The following POLR3B variants were observed in gnomAD, a reference collection of about 807,000 sequenced individuals.
The protein encoded by POLR3B is RNA polymerase III subunit B, also known as DNA-directed RNA polymerase III subunit RPC2.
Under a neutral mutation model 147.4 loss-of-function variants are expected in POLR3B, and 96 were observed. The ratio of observed to expected loss-of-function variants is 0.65; its 90% CI spans 0.55 to 0.77. POLR3B has a LOEUF of 0.77. Among genes scored for constraint, POLR3B ranks in the 30% least tolerant of loss-of-function variants. The probability of loss-of-function intolerance (pLI) is 0.00; values close to 1 mark genes in which losing one functional copy is unlikely to be tolerated. For synonymous variants in POLR3B, 461 were observed against 485.9 expected (o/e 0.95, Z 0.67); for missense variants, 1,036 against 1,413.5 (o/e 0.73, Z 4.28).
At chr12:106,498,091 C>G (rs911322447) in intron 25 of POLR3B, among the ~76,000 whole-genome samples, 1 of 152,190 alleles carries the variant, frequency 6.6e-6, no homozygotes, top group Non-Finnish European at 1.5e-5. Context: ...ACATATAGCT[C>G]TCACCAAAAT....
Position 106,382,143 on chromosome 12 carries a change from C to G in POLR3B, c.723+2004C>G, listed in dbSNP as rs529074011. On this transcript the variant is annotated intron_variant, in intron 9 of 27. Transcript: ENST00000228347. ...TATCTCGTCCTGTGACTAAGAATGC[C>G]TTAACCTCCTTGGAATGCAGCCCAG... The G allele has an allele frequency of 2.0e-5, 3 of 152,554 alleles. No individual in the cohort carries two copies. The East Asian group carries it at 5.8e-4, about 29-fold the overall frequency. 9.5% of individuals were successfully genotyped at this position (152,554 alleles called of 1,614,324 possible).
At chr12:106,459,406 T>C (rs1268389692) in intron 22 of POLR3B, 38 bp downstream of exon 22, 2 of 1,104,496 alleles carry the variant, frequency 1.8e-6, no homozygotes, top group African/African-American at 3.1e-5. Flanking sequence ...TGTAGAAAGG[T>C]TAGAAAAAGA....
chr12:106,399,165 C>T (rs893034010), intron 10 of POLR3B, among the ~76,000 whole-genome samples: 6 of 152,046 alleles, frequency 3.9e-5, no homozygotes, highest in African/African-American at 7.3e-5. Context: ...AACCAAGGCA[C>T]GAGAACTATG....
At chr12:106,411,242 G>A (rs1230051872) in intron 12 of POLR3B, among the ~76,000 whole-genome samples, 70 of 152,048 alleles carry the variant, frequency 4.6e-4, no homozygotes, top group Non-Finnish European at 1.5e-5. Flanking sequence ...GGGTTCAAGC[G>A]ATTCTCCTGC....
At chr12:106,499,143 A>G (rs1260266155) in intron 25 of POLR3B, among the ~76,000 whole-genome samples, 5 of 152,242 alleles carry the variant, frequency 3.3e-5, no homozygotes, top group African/African-American at 1.2e-4. Context: ...AAATGGTTCA[A>G]TAAAATAATT....
At chr12:106,402,474 T>C (rs2037082425) in intron 10 of POLR3B, among the ~76,000 whole-genome samples, 2 of 152,134 alleles carry the variant, frequency 1.3e-5, no homozygotes, top group South Asian at 2.1e-4. Flanking sequence ...AAAGTTCATA[T>C]GGAACCAAAA....
Position 106,357,775 on chromosome 12 carries a change from C to T in POLR3B, c.-105C>T, listed in dbSNP as rs1319532895. ...CTCTAGCTAACACGCACGGCGGGGA[C>T]AGTTTAGGCCTCCGCGCACCGTTCG... On this transcript the variant is annotated 5_prime_UTR_variant, in exon 1 of 28. Coordinates refer to ENST00000228347, the MANE Select transcript of POLR3B (RefSeq NM_018082.6). The T allele has an allele frequency of 6.3e-6, 7 of 1,118,432 alleles. No individual in the cohort carries two copies. Among genetic ancestry groups the T allele is most frequent in the Non-Finnish European group, 9.3e-6 (7 of 754,622 alleles). The allele number at this position is 1,118,432 out of a possible 1,614,324, so 69.3% of individuals were successfully genotyped here.
chr12:106,483,824 G>T (rs899219399), intron 23 of POLR3B, among the ~76,000 whole-genome samples: 11 of 152,158 alleles, frequency 7.2e-5, no homozygotes, highest in African/African-American at 2.4e-4. Context: ...TGTCTTGTGG[G>T]CCATACTGAA....
At chr12:106,367,463 A>G (rs1404001983) in intron 4 of POLR3B, among the ~76,000 whole-genome samples, 1 of 152,220 alleles carries the variant, frequency 6.6e-6, no homozygotes, top group Non-Finnish European at 1.5e-5. Context: ...GAATCAATCC[A>G]GAGCTCCGTG....
intron 9 of POLR3B, among the ~76,000 whole-genome samples, chr12:106,385,185 G>T (rs1204230610): frequency 6.6e-6 from 1 of 152,166 alleles, no homozygotes; most frequent in Admixed American, 6.5e-5. Flanking sequence ...TGAGGAAAAT[G>T]TTGTGACCAT....
intron 25 of POLR3B, 136 bp from the exon 26 acceptor site, chr12:106,501,187 A>G (rs921960999): frequency 1.4e-6 from 1 of 697,938 alleles, no homozygotes; most frequent in African/African-American, 1.8e-5. Flanking sequence ...TAGTCTTTTC[A>G]TTCACTACAG....
rs761007962 is a variant in POLR3B at position 106,369,255 on chromosome 12, C to A, written c.228-20C>A. The A allele has an allele frequency of 1.5e-6, 2 of 1,341,864 alleles. No individual in the cohort carries two copies. Among genetic ancestry groups the A allele is most frequent in the Non-Finnish European group, 1.1e-6 (1 of 932,104 alleles). 83.1% of individuals were successfully genotyped at this position (1,341,864 alleles called of 1,614,324 possible). On this transcript the variant is annotated intron_variant, in intron 4 of 27. Coordinates refer to ENST00000228347, the MANE Select transcript of POLR3B (RefSeq NM_018082.6). Reference sequence around the variant, plus strand: ...ATCTTCGAAGAAGTATAATTCATACCGCACTAATTTGCTTTTCAGATATCT... The same window carrying A: ...ATCTTCGAAGAAGTATAATTCATACAGCACTAATTTGCTTTTCAGATATCT...
intron 23 of POLR3B, among the ~76,000 whole-genome samples, chr12:106,479,635 G>A (rs2038235840): frequency 6.6e-6 from 1 of 151,826 alleles, no homozygotes; most frequent in Admixed American, 6.6e-5. Flanking sequence ...CACCTGCCTC[G>A]GCCTCCCAAA....
At chr12:106,487,255 G>A (rs1420775598) in intron 23 of POLR3B, among the ~76,000 whole-genome samples, 1 of 152,218 alleles carries the variant, frequency 6.6e-6, no homozygotes, top group Non-Finnish European at 1.5e-5. Context: ...GATTCCTGCA[G>A]AGGTTTGTTT....
At position 106,496,822 on chromosome 12, in the gene POLR3B, C is replaced by T. The variant is rs750899096; in HGVS notation, c.2888C>T (p.Ala963Val). The T allele has an allele frequency of 1.9e-6, 3 of 1,613,966 alleles. No homozygotes were observed. Among genetic ancestry groups the T allele is most frequent in the Non-Finnish European group, 2.5e-6 (3 of 1,179,946 alleles). ...GACGGCAGATTCCACTACGGCACTG[C>T]GTTTGGAGGCAGTAAAGTGAAGGAT... is the stretch of plus-strand genomic sequence containing the variant. ...VLDGRFHYGT[A>V]FGGSKVKDVC... is the part of the protein sequence containing the mutation. The change falls in exon 25 of 28, where the codon GCG (alanine) becomes GTG (valine). Residue 963 changes from alanine (A) to valine (V), a missense_variant. Coordinates refer to ENST00000228347, the MANE Select transcript of POLR3B (RefSeq NM_018082.6).
chr12:106,397,330 A>G (rs551613233), intron 10 of POLR3B, among the ~76,000 whole-genome samples: 1 of 152,362 alleles, frequency 6.6e-6, no homozygotes, highest in South Asian at 2.1e-4. Flanking sequence ...ACTAAAATGT[A>G]CAAATCTTAA....
intron 27 of POLR3B, among the ~76,000 whole-genome samples, chr12:106,507,190 G>C (rs889701221): frequency 1.3e-5 from 2 of 152,152 alleles, no homozygotes; most frequent in Non-Finnish European, 2.9e-5. Context: ...TTTCTCGTGT[G>C]AAGCCACAGC....
chr12:106,506,902 G>GGA (rs1410282484), intron 27 of POLR3B, among the ~76,000 whole-genome samples: 3 of 152,166 alleles, frequency 2.0e-5, no homozygotes, highest in African/African-American at 7.2e-5. Context: ...GGGTTGAGTG[G>GGA]GAGGGAGCAT....
At chr12:106,371,295 G>T (rs2036603013) in intron 6 of POLR3B, among the ~76,000 whole-genome samples, 1 of 152,188 alleles carries the variant, frequency 6.6e-6, no homozygotes, top group Non-Finnish European at 1.5e-5. Context: ...AACAACAGGT[G>T]CTGGAGAGGA....
Sources: gnomAD v4.1 joint callset for allele counts (sites outside exome capture counted in the v4.1 genomes callset) on GRCh38, gnomAD v4.1.1 for gene constraint, MANE v1.5 for transcripts, NCBI Gene and HGNC (gene_info 2026-07-23, HGNC 2026-07-21) for gene names.